NEDD9: variants seen among roughly 807,000 people sequenced by gnomAD.
NEDD9 encodes the protein neural precursor cell expressed, developmentally down-regulated 9.
A neutral mutation model predicts 76.6 loss-of-function variants in NEDD9; 26 were observed. The ratio of observed to expected loss-of-function variants is 0.34; its 90% CI spans 0.25 to 0.47. The LOEUF is 0.47. Ranked by LOEUF, NEDD9 falls within the 20% of genes least tolerant of loss-of-function variation. NEDD9 has a pLI of 1.00. For synonymous variants in NEDD9, 392 were observed against 414.2 expected (o/e 0.95, Z 0.65); for missense variants, 937 against 1,058.5 (o/e 0.89, Z 1.59).
chr6:11,185,615 G>C lies in NEDD9; in HGVS notation c.2052C>G (p.Ile684Met). The change falls in exon 7 of 7, where the codon ATC becomes ATG. Residue 684 changes from isoleucine (I) to methionine (M), a missense_variant. Ile to Met is a conservative substitution (Grantham distance 10). Coordinates refer to ENST00000379446, the MANE Select transcript of NEDD9 (RefSeq NM_006403.4). ...QEITKPVEND[I>M]SKWKPSQSLP... ...GGCTCTGAGAGGGCTTCCACTTCGA[G>C]ATGTCATTCTCCACGGGCTTTGTAA... The C allele has an allele frequency of 6.2e-7, 1 of 1,614,222 alleles. No individual in the cohort carries two copies. Among genetic ancestry groups the C allele is most frequent in the Non-Finnish European group, 8.5e-7 (1 of 1,180,044 alleles).
chr6:11,231,949 C>T (rs1759480605), intron 1 of NEDD9, among the ~76,000 whole-genome samples: 2 of 152,186 alleles, frequency 1.3e-5, no homozygotes, highest in African/African-American at 2.4e-5. Context: ...TCCAATATAA[C>T]ATAAGGATGT....
chr6:11,366,722 T>A (rs1762777841), intron 1 of NEDD9, among the ~76,000 whole-genome samples: 1 of 152,190 alleles, frequency 6.6e-6, no homozygotes, highest in African/African-American at 2.4e-5. Context: ...CGTCATTGAA[T>A]GAGCTCTAAG....
intron 3 of NEDD9, among the ~76,000 whole-genome samples, chr6:11,268,720 C>A (rs1581991021): frequency 6.7e-6 from 1 of 150,258 alleles, no homozygotes; most frequent in East Asian, 2.0e-4. Context: ...AAGAACGAAG[C>A]TCCATCACAC....
Position 11,190,322 on chromosome 6 carries a change from A to G in NEDD9, c.1547T>C (p.Leu516Ser). The G allele has an allele frequency of 6.2e-7, 1 of 1,614,198 alleles. No individual in the cohort carries two copies. Among genetic ancestry groups the G allele is most frequent in the South Asian group, 1.1e-5 (1 of 91,080 alleles). ...CTTGTTCTGGGGCTTGTTGATGGCC[A>G]AGATATTCAGGGACCAGCTGCACTC... is the stretch of plus-strand genomic sequence containing the variant. Reference protein sequence around the residue: ...LNECSWSLNILAINKPQNKCD... With the variant: ...LNECSWSLNISAINKPQNKCD... The change falls in exon 5 of 7, where the codon TTG becomes TCG. Residue 516 changes from leucine (L) to serine (S), a missense_variant. Physicochemically the swap from Leu to Ser is moderately radical, Grantham distance 145. Coordinates refer to ENST00000379446, the MANE Select transcript of NEDD9 (RefSeq NM_006403.4). The surrounding 1 kb of genome is among the most constrained non-coding windows in gnomAD (Gnocchi z 5.8).
In NEDD9 at chr6:11,355,923, G is replaced by A. The variant is rs577310367; in HGVS notation, c.-213-21362C>T. 5.8e-3 allele frequency among the ~76,000 whole-genome samples: 876 copies of A among 152,034 alleles called. 3 individuals carry two copies. The highest frequency in any genetic ancestry group is 0.014 in the Middle Eastern group (4 of 294). On this transcript the variant is annotated intron_variant, in intron 1 of 3. Coordinates refer to the NEDD9 transcript ENST00000397378. ...TTTTTAGTAGAGACGGGGTTTCACC[G>A]TGTTAGCCAGGATGGTCTCGATCTC... is the stretch of plus-strand genomic sequence containing the variant.
chr6:11,299,654 C>T (rs1004074250), intron 3 of NEDD9, among the ~76,000 whole-genome samples: 1 of 152,184 alleles, frequency 6.6e-6, no homozygotes, highest in Non-Finnish European at 1.5e-5. Flanking sequence ...ACGAAGCTTC[C>T]AGAGGAAGGA....
chr6:11,332,124 G>A (rs143069663), intron 2 of NEDD9, among the ~76,000 whole-genome samples: 2 of 152,300 alleles, frequency 1.3e-5, no homozygotes, highest in African/African-American at 4.8e-5. Flanking sequence ...ATCATTTGAG[G>A]GTCTTTGTAA....
intron 3 of NEDD9, among the ~76,000 whole-genome samples, chr6:11,272,129 G>C (rs1268701078): frequency 1.3e-5 from 2 of 152,116 alleles, no homozygotes; most frequent in Non-Finnish European, 2.9e-5. Flanking sequence ...CCTTTCCATG[G>C]GTGCTGAGCC....
At chr6:11,371,361 G>A (rs991752811) in intron 1 of NEDD9, among the ~76,000 whole-genome samples, 2 of 152,246 alleles carry the variant, frequency 1.3e-5, no homozygotes, top group Admixed American at 6.5e-5. Context: ...ACAGTGACAC[G>A]CTTCTACCAC....
chr6:11,195,063 C>A (rs554300591), intron 2 of NEDD9, among the ~76,000 whole-genome samples: 1 of 152,292 alleles, frequency 6.6e-6, no homozygotes, highest in Non-Finnish European at 1.5e-5. Context: ...GAAGTGAAAA[C>A]TCTGGCGTCA....
intron 1 of NEDD9, among the ~76,000 whole-genome samples, chr6:11,215,597 TA>T (rs1362461681): frequency 2.0e-5 from 3 of 152,186 alleles, no homozygotes; most frequent in Admixed American, 1.3e-4. Context: ...CTGGTCCTTT[TA>T]CTAAAATGAC....
chr6:11,223,869 C>T (rs958246620), intron 1 of NEDD9, among the ~76,000 whole-genome samples: 1 of 152,138 alleles, frequency 6.6e-6, no homozygotes, highest in Non-Finnish European at 1.5e-5. Flanking sequence ...AAAAGCACAA[C>T]ATCTTAGACA....
chr6:11,326,113 T>G (rs577170981), intron 2 of NEDD9, among the ~76,000 whole-genome samples: 125 of 147,018 alleles, frequency 8.5e-4, no homozygotes, highest in Non-Finnish European at 1.4e-3. Flanking sequence ...ACCACTGTAC[T>G]CTAGCCTGGG....
At chr6:11,206,121 A>T (rs558146088) in intron 2 of NEDD9, among the ~76,000 whole-genome samples, 1 of 152,244 alleles carries the variant, frequency 6.6e-6, no homozygotes, top group South Asian at 2.1e-4. Flanking sequence ...TCTTTTTTTA[A>T]AGATTTGTAC....
At chr6:11,366,713 G>A (rs781306617) in intron 1 of NEDD9, among the ~76,000 whole-genome samples, 3 of 152,122 alleles carry the variant, frequency 2.0e-5, no homozygotes, top group South Asian at 2.1e-4. Flanking sequence ...GAGTTGCCTC[G>A]TCATTGAATG....
chr6:11,188,877 A>C (rs560173520), intron 5 of NEDD9, among the ~76,000 whole-genome samples: 1 of 151,570 alleles, frequency 6.6e-6, no homozygotes, highest in African/African-American at 2.4e-5. Context: ...ATAATCTGTG[A>C]CTCTCAGTCA....
intron 3 of NEDD9, among the ~76,000 whole-genome samples, chr6:11,271,227 C>G (rs6905249): frequency 0.13 from 20,100 of 152,014 alleles, 1,690 homozygotes; most frequent in African/African-American, 0.22. Context: ...TGTAGAAATG[C>G]GGTCTCATTT....
chr6:11,367,307 A>T (rs1177312953), intron 1 of NEDD9, among the ~76,000 whole-genome samples: 1 of 152,248 alleles, frequency 6.6e-6, no homozygotes, highest in Non-Finnish European at 1.5e-5. Flanking sequence ...CGATGGCTGG[A>T]TGAGAATAAC....
chr6:11,351,364 CT>C (rs1252527204), intron 1 of NEDD9, among the ~76,000 whole-genome samples: 1 of 152,140 alleles, frequency 6.6e-6, no homozygotes, highest in African/African-American at 2.4e-5. Flanking sequence ...TCAAGAGGGG[CT>C]TCATGGAGCT....
Sources: allele counts gnomAD v4.1 joint callset (sites outside exome capture counted in the v4.1 genomes callset), GRCh38; gene constraint gnomAD v4.1.1; non-coding constraint Gnocchi (gnomAD v3.1); transcripts MANE v1.5; gene names NCBI Gene and HGNC (gene_info 2026-07-23, HGNC 2026-07-21).